The following HHAT variants were observed in gnomAD, a reference collection of about 807,000 sequenced individuals.
HHAT encodes the protein protein-cysteine N-palmitoyltransferase HHAT.
In HHAT, 47 loss-of-function variants were observed where a neutral mutation model predicts 70.8. The ratio of observed to expected loss-of-function variants is 0.66; its 90% confidence interval spans 0.53 to 0.85. The LOEUF is 0.85. Ranked by LOEUF, HHAT falls within the 40% of genes least tolerant of loss-of-function variation. The pLI is 0.00. For missense variants in HHAT, 609 were observed against 604.8 expected (o/e 1.01, Z -0.07); for synonymous variants, 228 against 247.6 (o/e 0.92, Z 0.74).
At chr1:210,543,879 T>C (rs552799954) in intron 9 of HHAT, among the ~76,000 whole-genome samples, 1 of 152,258 alleles carries the variant, frequency 6.6e-6, no homozygotes, top group South Asian at 2.1e-4. Context: ...TCATATCCAG[T>C]CCCAGCTCAC....
intron 9 of HHAT, among the ~76,000 whole-genome samples, chr1:210,577,675 T>G (rs1658208496): frequency 7.7e-6 from 1 of 129,836 alleles, no homozygotes. Flanking sequence ...CGAAATGGAG[T>G]CTCACTCTGT....
intron 10 of HHAT, among the ~76,000 whole-genome samples, chr1:210,606,899 A>G (rs142239476): frequency 2.0e-3 from 312 of 152,234 alleles, no homozygotes; most frequent in African/African-American, 7.4e-3. Context: ...TCATTATTGT[A>G]TGCATTCTGT....
At chr1:210,336,222 C>T (rs1046251717) in intron 1 of HHAT, among the ~76,000 whole-genome samples, 2 of 150,762 alleles carry the variant, frequency 1.3e-5, no homozygotes, top group Non-Finnish European at 2.9e-5. Flanking sequence ...TGGGCTCAAG[C>T]GATCCTGTCA....
chr1:210,395,102 A>G (rs1448230399), intron 4 of HHAT, among the ~76,000 whole-genome samples: 3 of 152,114 alleles, frequency 2.0e-5, no homozygotes, highest in Non-Finnish European at 4.4e-5. Flanking sequence ...TCCCTTTATT[A>G]TTTTCCGAAT....
intron 2 of HHAT, 52 bp from the exon 3 acceptor site, chr1:210,362,800 G>C (rs2088486421): frequency 6.8e-7 from 1 of 1,465,122 alleles, no homozygotes; most frequent in Admixed American, 1.7e-5. Flanking sequence ...TCTTCAGCCA[G>C]CCCAGTTTTG....
chr1:210,622,402 G>A (rs927706985), intron 10 of HHAT, among the ~76,000 whole-genome samples: 28 of 152,126 alleles, frequency 1.8e-4, no homozygotes, highest in Non-Finnish European at 3.5e-4. Flanking sequence ...CTGAACACAC[G>A]GTCCCTTGGG....
intron 7 of HHAT, among the ~76,000 whole-genome samples, chr1:210,432,981 G>A (rs1273212402): frequency 6.6e-6 from 1 of 151,738 alleles, no homozygotes; most frequent in African/African-American, 2.4e-5. Flanking sequence ...CTCGATGGCA[G>A]GGCTCTCATT....
intron 8 of HHAT, among the ~76,000 whole-genome samples, chr1:210,493,964 T>C (rs1255031786): frequency 6.6e-6 from 1 of 152,214 alleles, no homozygotes; most frequent in Non-Finnish European, 1.5e-5. Flanking sequence ...AGGGTGACCT[T>C]CCAGGTGTGG....
At chr1:210,519,826 C>CTTTTTTTTTTTT (rs561537666) in intron 9 of HHAT, among the ~76,000 whole-genome samples, 5 of 127,288 alleles carry the variant, frequency 3.9e-5, no homozygotes, top group Admixed American at 1.6e-4. Flanking sequence ...CCACACTTGG[C>CTTTTTTTTTTTT]TTTTTTTTTT....
chr1:210,467,779 A>G (rs1039672503), intron 8 of HHAT, among the ~76,000 whole-genome samples: 9 of 152,154 alleles, frequency 5.9e-5, no homozygotes, highest in African/African-American at 2.2e-4. Flanking sequence ...CTGATAGAGG[A>G]ATATTTAGCC....
In HHAT at chr1:210,583,888, T is replaced by C. The variant is rs182910563; in HGVS notation, c.1044-4010T>C. ...GAGTTGAATCTAAGATCAAGTACCA[T>C]TGGTGTGGAGAATGAGAGGTTTGTG... On this transcript the variant is annotated intron_variant, in intron 9 of 11. Transcript: ENST00000261458. 9.9e-4 allele frequency among the ~76,000 whole-genome samples: 150 copies of C among 151,444 alleles called. 1 individual carries two copies. The highest frequency in any genetic ancestry group is 3.4e-3 in the Middle Eastern group (1 of 292).
At chr1:210,506,947 G>GAAA (rs1250175900) in intron 8 of HHAT, among the ~76,000 whole-genome samples, 1 of 152,214 alleles carries the variant, frequency 6.6e-6, no homozygotes, top group African/African-American at 2.4e-5. Context: ...TGAAATTATT[G>GAAA]TTGACTTTGC....
rs1034114789 is a variant in HHAT at position 210,614,116 on chromosome 1, T to C, written c.1246-9410T>C. ...TCAGCATTGTTTTGTAGTTTCATTA[T>C]ACAAATTTTTTGCCTCCCTAGTTAA... On this transcript the variant is annotated intron_variant, in intron 10 of 11. Coordinates refer to ENST00000261458, the MANE Select transcript of HHAT (RefSeq NM_018194.6). 9.9e-5 allele frequency among the ~76,000 whole-genome samples: 15 copies of C among 152,154 alleles called. No individual in the cohort carries two copies. The East Asian group carries it at 2.9e-3, about 29-fold the overall frequency.
intron 10 of HHAT, among the ~76,000 whole-genome samples, chr1:210,608,554 G>T (rs538975805): frequency 2.0e-5 from 3 of 152,040 alleles, no homozygotes; most frequent in Admixed American, 6.6e-5. Context: ...TGACTCTTCT[G>T]TCTGAATCTT....
intron 9 of HHAT, among the ~76,000 whole-genome samples, chr1:210,526,054 T>G (rs2095240428): frequency 6.6e-6 from 1 of 152,158 alleles, no homozygotes; most frequent in Non-Finnish European, 1.5e-5. Flanking sequence ...CCCTCGTGCC[T>G]GAGATTAGAT....
intron 1 of HHAT, among the ~76,000 whole-genome samples, chr1:210,333,186 A>G (rs2085152157): frequency 6.6e-6 from 1 of 152,196 alleles, no homozygotes; most frequent in African/African-American, 2.4e-5. Context: ...ACACTCACTG[A>G]TAGGATTTTG....
Position 210,513,105 on chromosome 1 carries a change from C to G in HHAT, c.1008-48C>G, listed in dbSNP as rs958675935. The stretch of plus-strand genomic sequence containing the variant: ...AATATAGTTGTCTAGTCTACCATTA[C>G]TATAAATATCTTTTATTGATATGCT... On this transcript the variant is annotated intron_variant, in intron 8 of 11. Coordinates refer to ENST00000261458, the MANE Select transcript of HHAT (RefSeq NM_018194.6). 9.9e-6 allele frequency: 11 copies of G among 1,115,238 alleles called. No homozygotes were observed. The African/African-American group carries it at 1.5e-4, about 16-fold the overall frequency. 69.1% of individuals were successfully genotyped at this position (1,115,238 alleles called of 1,614,324 possible).
At chr1:210,476,565 C>T (rs1225471674) in intron 8 of HHAT, among the ~76,000 whole-genome samples, 1 of 152,214 alleles carries the variant, frequency 6.6e-6, no homozygotes, top group African/African-American at 2.4e-5. Context: ...TACAAACCTC[C>T]ATGACTTGGG....
chr1:210,333,658 T>C (rs755207112), intron 1 of HHAT, among the ~76,000 whole-genome samples: 3 of 150,312 alleles, frequency 2.0e-5, no homozygotes, highest in Non-Finnish European at 2.9e-5. Context: ...TTTACTACTA[T>C]GATTTTTTTT....
Sources: gnomAD v4.1 joint callset for allele counts (sites outside exome capture counted in the v4.1 genomes callset) on GRCh38, gnomAD v4.1.1 for gene constraint, MANE v1.5 for transcripts, NCBI Gene and HGNC (gene_info 2026-07-23, HGNC 2026-07-21) for gene names.